Variants in OFD1 observed in about 807,000 individuals in gnomAD.
OFD1 encodes the protein centriole and centriolar satellite protein OFD1.
Under a neutral mutation model 81.4 loss-of-function variants are expected in OFD1, and 12 were observed. That is an observed-to-expected ratio of 0.15 (90% CI 0.09 to 0.24). OFD1 has a LOEUF of 0.24. Ranked by LOEUF, OFD1 falls within the 10% of genes least tolerant of loss-of-function variation. OFD1 has a pLI of 1.00. For synonymous variants in OFD1, 256 were observed against 263.7 expected (o/e 0.97, Z 0.28); for missense variants, 685 against 733.9 (o/e 0.93, Z 0.77).
intron 20 of OFD1, 146 bp downstream of exon 20, chrX:13,767,430 C>T: frequency 1.7e-6 from 1 of 573,228 alleles, no homozygotes; most frequent in Non-Finnish European, 3.0e-6. Context: ...CTCTCCTTGT[C>T]TTAAAAGCAG....
rs1192855557 is a variant in OFD1, at chrX:13,734,772, C to G, written c.-300C>G. ...GACTGGCTGTGAGGCGGTCCTGCCT[C>G]GCTGCCTTCAGTCCCTAGTGTCTGG... On this transcript the variant is annotated 5_prime_UTR_variant, in exon 1 of 23. Coordinates refer to ENST00000340096, the MANE Select transcript of OFD1 (RefSeq NM_003611.3). 7.6e-6 allele frequency: 8 copies of G among 1,057,563 alleles called. No individual in the cohort carries two copies. The highest frequency in any genetic ancestry group is 3.8e-5 in the African/African-American group (2 of 52,704). The allele number at this position is 1,057,563 out of a possible 1,213,427, so 87.2% of individuals were successfully genotyped here.
chrX:13,755,363 G>C, intron 12 of OFD1, 121 bp downstream of exon 12: 1 of 513,742 alleles, frequency 1.9e-6, no homozygotes, highest in Non-Finnish European at 3.4e-6. Context: ...ATATGGCTAA[G>C]AAGGTGTTAG....
chrX:13,743,341 A>G (rs9781157), intron 5 of OFD1, among the ~76,000 whole-genome samples: 1,796 of 112,519 alleles, frequency 0.016, 32 homozygotes, highest in South Asian at 0.048. Flanking sequence ...AGTATAGACT[A>G]ATTATTTTTA....
upstream of OFD1, among the ~76,000 whole-genome samples, chrX:13,733,831 C>G (rs1365660660): frequency 2.7e-5 from 3 of 110,435 alleles, no homozygotes; most frequent in Admixed American, 9.6e-5. Context: ...CCGAATCCTA[C>G]CCATCAAGGC....
intron 22 of OFD1, 69 bp from the exon 23 acceptor site, chrX:13,768,997 C>A: frequency 1.1e-6 from 1 of 881,663 alleles, no homozygotes; most frequent in Non-Finnish European, 1.7e-6. Flanking sequence ...GAATTGAGAA[C>A]ATTATGAAGA....
chrX:13,744,147 G>A (rs775610531), intron 5 of OFD1, among the ~76,000 whole-genome samples: 3 of 110,972 alleles, frequency 2.7e-5, no homozygotes, highest in East Asian at 2.8e-4. Flanking sequence ...TTAGCTGGGC[G>A]TGGTGGGTGG....
In OFD1 at chrX:13,735,249, C is replaced by T. The variant is rs2046813391; in HGVS notation, c.14C>T (p.Ser5Phe). Residue 5 changes from serine (S) to phenylalanine (F), a missense_variant and splice_region_variant, in exon 2 of 23, where the codon TCC (serine) becomes TTC (phenylalanine). This residue lies in a region of OFD1 where 414 missense variants were observed against 447.2 expected (regional missense o/e 0.93). Coordinates refer to ENST00000340096, the MANE Select transcript of OFD1 (RefSeq NM_003611.3). ...ACCTATAACCATTTTGTCTTTTAGT[C>T]CAACATGTTTACCGTGGCTGATGTG... MMAQ[S>F]NMFTVADVLS... 8.3e-7 allele frequency: 1 copy of T among 1,209,184 alleles called. No individual in the cohort carries two copies. Among genetic ancestry groups the T allele is most frequent in the South Asian group, 1.8e-5 (1 of 56,852 alleles).
At chrX:13,719,974 A>G in the OFD1 span, 1 of 1,133,569 alleles carries the variant, frequency 8.8e-7, no homozygotes, top group Non-Finnish European at 1.2e-6. Flanking sequence ...GGTCTTCAAT[A>G]TATGGCTCCT....
At chrX:13,754,162 T>C (rs1253173496) in intron 11 of OFD1, among the ~76,000 whole-genome samples, 2 of 110,705 alleles carry the variant, frequency 1.8e-5, no homozygotes, top group Non-Finnish European at 3.8e-5. Context: ...TTTGTATTTT[T>C]AGTAGAGGCG....
chrX:13,771,281 A>AC (rs1476766052), downstream of OFD1: 1 of 111,227 alleles, frequency 9.0e-6, no homozygotes, highest in Non-Finnish European at 1.9e-5. Flanking sequence ...CTCTGACAGC[A>AC]CCTCCACTGC....
At chrX:13,736,344 C>G (rs2046864587) in intron 2 of OFD1, 134 bp from the exon 3 acceptor site, 1 of 1,095,717 alleles carries the variant, frequency 9.1e-7, no homozygotes, top group African/African-American at 1.8e-5. Flanking sequence ...GGCCATGGAT[C>G]TAGAACCATT....
rs776408068 is a variant in OFD1, at chrX:13,760,445, A to G, written c.1985A>G (p.Lys662Arg). The change falls in exon 16 of 23, where the codon AAA (lysine) becomes AGA (arginine). Residue 662 changes from lysine (K) to arginine (R), a missense_variant. This residue lies in a region of OFD1 where 12 missense variants were observed against 32.4 expected (regional missense o/e 0.37). Transcript: ENST00000340096. Reference protein sequence around the residue: ...YHRRVIKNSAKSPLAAKSPPS... With the variant: ...YHRRVIKNSARSPLAAKSPPS... ...CGGAGAGTCATTAAAAACTCTGCCAAAAGCCCACTAGCAGCAAAGAGCCCA... is the reference window on the plus strand; with the variant it reads ...CGGAGAGTCATTAAAAACTCTGCCAGAAGCCCACTAGCAGCAAAGAGCCCA... 8.5e-7 allele frequency: 1 copy of G among 1,182,393 alleles called. No individual in the cohort carries two copies. Among genetic ancestry groups the G allele is most frequent in the African/African-American group, 1.8e-5 (1 of 55,925 alleles).
At chrX:13,767,955 G>T (rs1299066391) in intron 20 of OFD1, 99 bp from the exon 21 acceptor site, 1 of 849,253 alleles carries the variant, frequency 1.2e-6, no homozygotes, top group Non-Finnish European at 1.7e-6. Context: ...CATACAGGCT[G>T]TACTTGAAGG....
downstream of OFD1, chrX:13,771,267 T>C (rs2048292785): frequency 9.0e-6 from 1 of 111,445 alleles, no homozygotes; most frequent in Non-Finnish European, 1.9e-5. Flanking sequence ...TCTAGAACAC[T>C]GGACTCTGAC....
At chrX:13,770,594 A>G (rs149764801), downstream of OFD1, among the ~76,000 whole-genome samples, 592 of 112,412 alleles carry the variant, frequency 5.3e-3, 1 homozygote, top group African/African-American at 0.018. Context: ...TTTGGTTTGA[A>G]AAATAACTAC....
rs376333587 is a variant in OFD1, at chrX:13,745,525, G to A, written c.518-794G>A. On this transcript the variant is annotated intron_variant, in intron 6 of 22. Coordinates refer to ENST00000340096, the MANE Select transcript of OFD1 (RefSeq NM_003611.3). ...GTGTCAATGGCCCCATGTGGCTGGA[G>A]AGTCCTGTGTTGGACAGCATCTGGA... Among the ~76,000 whole-genome samples, 3 of 112,097 alleles carry A rather than the reference G, an allele frequency of 2.7e-5. No individual in the cohort carries two copies. The East Asian group carries it at 8.3e-4, about 31-fold the overall frequency.
At chrX:13,722,644 A>C in the OFD1 span, among the ~76,000 whole-genome samples, 1 of 111,869 alleles carries the variant, frequency 8.9e-6, no homozygotes, top group Admixed American at 9.5e-5. Flanking sequence ...CAAATACTTG[A>C]GGGTATGGAG....
rs143221184 is a variant in OFD1 at position 13,753,649 on chromosome X, A to G, written c.1129+208A>G. On this transcript the variant is annotated intron_variant, in intron 11 of 22. Transcript: ENST00000340096. ...GGAACCTTCATGTTTAATAGTTTGT[A>G]TATTCACAAAGGCCAGTGATTTATC... is the stretch of plus-strand genomic sequence containing the variant. Among the ~76,000 whole-genome samples the G allele has an allele frequency of 0.011, 1,179 of 112,210 alleles. 15 individuals are homozygous for G. The highest frequency in any genetic ancestry group is 0.045 in the South Asian group (122 of 2,699).
chrX:13,751,155 T>A, intron 9 of OFD1, 94 bp from the exon 10 acceptor site: 1 of 843,335 alleles, frequency 1.2e-6, no homozygotes, highest in Non-Finnish European at 1.7e-6. Context: ...TGTAGCAGTT[T>A]TAGTCTGTGG....
Sources: allele counts gnomAD v4.1 joint callset (sites outside exome capture counted in the v4.1 genomes callset), GRCh38; gene constraint gnomAD v4.1.1; regional missense constraint gnomAD v4.1.1; transcripts MANE v1.5; gene names NCBI Gene and HGNC (gene_info 2026-07-23, HGNC 2026-07-21).